The following SNTG1 variants were observed in gnomAD, a reference collection of about 807,000 sequenced individuals.
SNTG1 encodes the protein syntrophin gamma 1, also known as gamma-1-syntrophin.
Under a neutral mutation model 74.7 loss-of-function variants are expected in SNTG1, and 39 were observed. That is an observed-to-expected ratio of 0.52 (90% confidence interval 0.40 to 0.68). The LOEUF is 0.68. SNTG1 is among the 30% of genes least tolerant of loss of function. The pLI is 0.00. For synonymous variants in SNTG1, 254 were observed against 217.1 expected (o/e 1.17, Z -1.49); for missense variants, 685 against 609.5 (o/e 1.12, Z -1.30).
chr8:50,574,496 G>T (rs187247034), intron 12 of SNTG1, among the ~76,000 whole-genome samples: 1 of 152,176 alleles, frequency 6.6e-6, no homozygotes, highest in Admixed American at 6.5e-5. Flanking sequence ...AATGGCTCAT[G>T]AGTGTAATAT....
chr8:50,457,839 C>A (rs1265241038), intron 8 of SNTG1: 1 of 152,176 alleles, frequency 6.6e-6, no homozygotes. Context: ...GTATTCAGCC[C>A]CAGGCACTGC....
At position 50,257,019 on chromosome 8, in the gene SNTG1, C is replaced by A. The variant is rs182934571; in HGVS notation, c.-28+84384C>A. ...GGCATGGCTTTGTAGCCCCCCTGCT[C>A]CCCTCTTAGGAGTTCAGTTTAAACC... On this transcript the variant is annotated intron_variant, in intron 2 of 18. Coordinates refer to ENST00000642720, the MANE Select transcript of SNTG1 (RefSeq NM_018967.5). Among the ~76,000 whole-genome samples the A allele has an allele frequency of 4.2e-3, 637 of 152,146 alleles. 7 individuals are homozygous for A. The highest frequency in any genetic ancestry group is 0.015 in the African/African-American group (609 of 41,518).
At chr8:50,379,279 G>A (rs2092441415) in intron 2 of SNTG1, among the ~76,000 whole-genome samples, 1 of 152,160 alleles carries the variant, frequency 6.6e-6, no homozygotes, top group Admixed American at 6.6e-5. Flanking sequence ...TCACAGCAGG[G>A]AGTAGCCAGG....
At chr8:50,135,461 G>A (rs1247152990) in intron 1 of SNTG1, among the ~76,000 whole-genome samples, 1 of 152,056 alleles carries the variant, frequency 6.6e-6, no homozygotes, top group African/African-American at 2.4e-5. Flanking sequence ...TGTGTGTTTA[G>A]CAGCAGATAA....
intron 1 of SNTG1, among the ~76,000 whole-genome samples, chr8:50,146,931 ATGATT>A (rs1187917973): frequency 6.6e-6 from 1 of 152,022 alleles, no homozygotes; most frequent in African/African-American, 2.4e-5. Flanking sequence ...TATCACATAT[ATGATT>A]TGCAAATATT....
intron 8 of SNTG1, among the ~76,000 whole-genome samples, chr8:50,496,827 G>A (rs2448940): frequency 0.63 from 95,393 of 151,896 alleles, 32,711 homozygotes; most frequent in Non-Finnish European, 0.77. Flanking sequence ...ATTATGAAAT[G>A]TGAGTGAAAG....
chr8:50,497,443 ATATT>A (rs926003969), intron 8 of SNTG1, among the ~76,000 whole-genome samples: 3 of 152,032 alleles, frequency 2.0e-5, no homozygotes, highest in Non-Finnish European at 4.4e-5. Context: ...ACTGCCCCAT[ATATT>A]TTAATTTATC....
At position 50,772,516 on chromosome 8, in the gene SNTG1, G is replaced by T. The variant is rs1368118631; in HGVS notation, c.1396-20155G>T. ...ACAGATTCATAACTACAAGGAACTT[G>T]CCCTGAGTCTCAAAAGAGAATTTGG... On this transcript the variant is annotated intron_variant, in intron 18 of 18. Transcript: ENST00000642720. Among the ~76,000 whole-genome samples the T allele has an allele frequency of 2.0e-5, 3 of 152,106 alleles. No individual in the cohort carries two copies. The East Asian group carries it at 5.8e-4, about 29-fold the overall frequency.
intron 2 of SNTG1, among the ~76,000 whole-genome samples, chr8:50,324,234 TG>T (rs1587132144): frequency 1.3e-5 from 2 of 152,298 alleles, no homozygotes; most frequent in East Asian, 3.9e-4. Context: ...TTTTATTCTC[TG>T]CTGTAGCAGG....
chr8:50,168,569 A>C (rs2082703013), intron 1 of SNTG1, among the ~76,000 whole-genome samples: 1 of 152,152 alleles, frequency 6.6e-6, no homozygotes, highest in African/African-American at 2.4e-5. Flanking sequence ...GCATGTGTAT[A>C]TATATATGTA....
At chr8:50,358,946 A>G (rs1350370666) in intron 2 of SNTG1, among the ~76,000 whole-genome samples, 1 of 152,126 alleles carries the variant, frequency 6.6e-6, no homozygotes, top group South Asian at 2.1e-4. Context: ...TCTCAATGTT[A>G]TGGGAGACAT....
At position 50,512,275 on chromosome 8, in the gene SNTG1, C is replaced by T. The variant is rs569081481; in HGVS notation, c.466+9395C>T. Among the ~76,000 whole-genome samples the T allele has an allele frequency of 3.4e-3, 514 of 151,892 alleles. 2 individuals are homozygous for T. Among genetic ancestry groups the T allele is most frequent in the African/African-American group, 0.012 (495 of 41,430 alleles). On this transcript the variant is annotated intron_variant, in intron 9 of 18. Coordinates refer to ENST00000642720, the MANE Select transcript of SNTG1 (RefSeq NM_018967.5). ...CTCTTCTGGCTTGCAGAGTTTCCAC[C>T]GAGAGATCAGCTGTTAGTCTAATGG...
chr8:50,634,664 GC>G (rs1267014562), intron 13 of SNTG1, among the ~76,000 whole-genome samples: 1 of 152,014 alleles, frequency 6.6e-6, no homozygotes, highest in Non-Finnish European at 1.5e-5. Context: ...ATATTGTTTA[GC>G]TTTTTTGTCT....
At chr8:50,350,879 G>A (rs1353904467) in intron 2 of SNTG1, among the ~76,000 whole-genome samples, 1 of 152,150 alleles carries the variant, frequency 6.6e-6, no homozygotes, top group Non-Finnish European at 1.5e-5. Flanking sequence ...GATGTGGGTG[G>A]GGCCAGATAA....
At chr8:50,332,045 A>G (rs2090985578) in intron 2 of SNTG1, among the ~76,000 whole-genome samples, 1 of 152,234 alleles carries the variant, frequency 6.6e-6, no homozygotes, top group Non-Finnish European at 1.5e-5. Flanking sequence ...CATGCTGTTA[A>G]GTAGTTGCAG....
chr8:50,647,248 A>G (rs1187836752), intron 13 of SNTG1, among the ~76,000 whole-genome samples: 8 of 152,158 alleles, frequency 5.3e-5, no homozygotes, highest in Admixed American at 5.2e-4. Flanking sequence ...TGCTCTATGA[A>G]TAATAGGGTC....
intron 9 of SNTG1, among the ~76,000 whole-genome samples, chr8:50,514,464 C>A (rs926936771): frequency 6.6e-6 from 1 of 151,872 alleles, no homozygotes; most frequent in South Asian, 2.1e-4. Context: ...ATTTTTAAGT[C>A]CCTTGTGATT....
chr8:50,785,994 GA>G (rs1455873051), intron 18 of SNTG1, among the ~76,000 whole-genome samples: 5 of 151,900 alleles, frequency 3.3e-5, no homozygotes, highest in Non-Finnish European at 7.4e-5. Context: ...ACTAAGTATT[GA>G]AGGAATGTAT....
chr8:50,469,092 T>C (rs931156143), intron 8 of SNTG1, among the ~76,000 whole-genome samples: 1 of 152,174 alleles, frequency 6.6e-6, no homozygotes, highest in Non-Finnish European at 1.5e-5. Flanking sequence ...CATTCTCCTT[T>C]GCTTGTGTGT....
Sources: allele counts gnomAD v4.1 joint callset (sites outside exome capture counted in the v4.1 genomes callset), GRCh38; gene constraint gnomAD v4.1.1; transcripts MANE v1.5; gene names NCBI Gene and HGNC (gene_info 2026-07-23, HGNC 2026-07-21).